ARHGAP23: variants seen among roughly 807,000 people sequenced by gnomAD.
ARHGAP23 encodes the protein Rho GTPase activating protein 23, also known as rho GTPase-activating protein 23.
In ARHGAP23, 34 loss-of-function variants were observed where a neutral mutation model predicts 136.3. The observed-to-expected ratio is 0.25, with a 90% CI of 0.19 to 0.33. ARHGAP23 has a LOEUF of 0.33. Among genes scored for constraint, ARHGAP23 ranks in the 10% least tolerant of loss-of-function variants. The pLI is 1.00. For synonymous variants in ARHGAP23, 832 were observed against 920.5 expected (o/e 0.90, Z 1.74); for missense variants, 1,808 against 2,139.0 (o/e 0.85, Z 3.05).
chr17:38,470,857 G>A (rs1218644403), intron 10 of ARHGAP23, among the ~76,000 whole-genome samples: 6 of 151,628 alleles, frequency 4.0e-5, no homozygotes, highest in African/African-American at 1.5e-4. Context: ...TTCTTGCTTC[G>A]GTCTCCCAAA....
chr17:38,460,860 T>C, intron 2 of ARHGAP23, 45 bp from the exon 3 acceptor site: 1 of 1,536,034 alleles, frequency 6.5e-7, no homozygotes, highest in Non-Finnish European at 8.7e-7. Context: ...CCCTGGCTGC[T>C]GAGGGCTGGA....
At chr17:38,437,086 G>C (rs1038893644) in intron 1 of ARHGAP23, among the ~76,000 whole-genome samples, 1 of 152,236 alleles carries the variant, frequency 6.6e-6, no homozygotes, top group South Asian at 2.1e-4. Flanking sequence ...GACCTGGAGT[G>C]GGCAAATAAC....
chr17:38,478,562 A>C (rs1421358807), intron 12 of ARHGAP23, among the ~76,000 whole-genome samples: 1 of 151,984 alleles, frequency 6.6e-6, no homozygotes, highest in Non-Finnish European at 1.5e-5. Flanking sequence ...CTATAGGCGC[A>C]TGCCACCATG....
chr17:38,499,092 C>T lies in ARHGAP23; in HGVS notation c.3415+582C>T, dbSNP rs879650980. 50 of 648,898 alleles carry T rather than the reference C, an allele frequency of 7.7e-5. No homozygotes were observed. In the African/African-American group the frequency reaches 8.4e-4, roughly 11 times the overall value. The allele number at this position is 648,898 out of a possible 1,614,324, so 40.2% of individuals were successfully genotyped here. Reference sequence around the variant, plus strand: ...ATGCCAGTTACCCCTGCCTGTTATCCACTTACCCCAGCAGTCCATGCCCCT... The same window carrying T: ...ATGCCAGTTACCCCTGCCTGTTATCTACTTACCCCAGCAGTCCATGCCCCT... On this transcript the variant is annotated intron_variant, in intron 22 of 23. Coordinates refer to ENST00000622683, the MANE Select transcript of ARHGAP23 (RefSeq NM_001199417.2).
intron 14 of ARHGAP23, among the ~76,000 whole-genome samples, chr17:38,481,673 T>G (rs1319823094): frequency 6.6e-6 from 1 of 152,100 alleles, no homozygotes; most frequent in Non-Finnish European, 1.5e-5. Flanking sequence ...GAGGGAAGAT[T>G]GCTTGAGCCC....
intron 1 of ARHGAP23, among the ~76,000 whole-genome samples, chr17:38,436,789 G>A (rs2144509324): frequency 6.6e-6 from 1 of 152,306 alleles, no homozygotes; most frequent in African/African-American, 2.4e-5. Flanking sequence ...CAGTCTGACT[G>A]GGGTGATGGA....
At chr17:38,490,044 G>C (rs184255397) in intron 17 of ARHGAP23, 58 bp from the exon 18 acceptor site, 2 of 1,508,074 alleles carry the variant, frequency 1.3e-6, no homozygotes, top group Non-Finnish European at 9.0e-7. Context: ...GCCCTTGGCC[G>C]GGAGAACAGG....
chr17:38,443,360 G>C (rs544611334), intron 1 of ARHGAP23, among the ~76,000 whole-genome samples: 2 of 152,342 alleles, frequency 1.3e-5, no homozygotes, highest in South Asian at 4.1e-4. Context: ...CTGGGGCATA[G>C]TAAGCACTCA....
intron 1 of ARHGAP23, among the ~76,000 whole-genome samples, chr17:38,439,729 G>A (rs2038879625): frequency 1.3e-5 from 2 of 152,002 alleles, no homozygotes; most frequent in African/African-American, 2.4e-5. Context: ...CTAGGAAGTG[G>A]GCCTGAGTCA....
rs949912037 is a variant in ARHGAP23, at chr17:38,498,389, A to G, written c.3319-25A>G. 7.8e-6 allele frequency: 12 copies of G among 1,531,716 alleles called. No homozygotes were observed. The African/African-American group carries it at 1.7e-4, about 21-fold the overall frequency. The allele number at this position is 1,531,716 out of a possible 1,614,324, so 94.9% of individuals were successfully genotyped here. A position where few individuals can be genotyped will look rare whatever the true frequency, so the allele number is the denominator to read the frequency against. On this transcript the variant is annotated intron_variant, in intron 21 of 23. Transcript: ENST00000622683. ...GCAGCCCAGCATCTGAGGGCATGCC[A>G]GCTGACCCCTCCTCCTGTTCGCAGA...
chr17:38,467,493 A>G (rs945174130), intron 7 of ARHGAP23, among the ~76,000 whole-genome samples, 162 bp downstream of exon 7: 3 of 151,958 alleles, frequency 2.0e-5, no homozygotes, highest in Non-Finnish European at 4.4e-5. Flanking sequence ...CCATCCATCC[A>G]TCTGTTCTTC....
At chr17:38,428,455 GC>G, upstream of ARHGAP23, 1 of 1,413,300 alleles carries the variant, frequency 7.1e-7, no homozygotes, top group South Asian at 1.4e-5. Flanking sequence ...CCCCAGCCGT[GC>G]CCCGGCCGCA....
At chr17:38,433,161 T>C (rs1472894925) in intron 1 of ARHGAP23, among the ~76,000 whole-genome samples, 5 of 152,132 alleles carry the variant, frequency 3.3e-5, no homozygotes, top group African/African-American at 1.2e-4. Flanking sequence ...GGTTTTGCCA[T>C]GTTGCCCAGG....
intron 10 of ARHGAP23, among the ~76,000 whole-genome samples, chr17:38,470,211 GA>G (rs2039717198): frequency 6.6e-6 from 1 of 152,192 alleles, no homozygotes; most frequent in South Asian, 2.1e-4. Context: ...GGTCTTCCCT[GA>G]AATTCCAGCC....
Position 38,466,941 on chromosome 17 carries a change from C to A in ARHGAP23, c.1258C>A (p.Arg420=), listed in dbSNP as rs758382395. ...GGATGACCTCGGGTACATCGGCTAC[C>A]GGAGCTACAGCCCATCATTCCAGCG... ...GLDDLGYIGY[R]SYSPSFQRRT... is the part of the protein sequence containing the mutation. The change falls in exon 7 of 24, where the codon CGG becomes AGG. Residue 420 remains arginine, a synonymous_variant. Transcript: ENST00000622683. The A allele has an allele frequency of 5.8e-6, 9 of 1,550,404 alleles. No homozygotes were observed. Among genetic ancestry groups the A allele is most frequent in the Non-Finnish European group, 7.8e-6 (9 of 1,146,952 alleles).
chr17:38,464,145 G>C (rs753133962), intron 6 of ARHGAP23, among the ~76,000 whole-genome samples: 6 of 152,124 alleles, frequency 3.9e-5, no homozygotes, highest in Non-Finnish European at 7.3e-5. Context: ...GCCCATCTCA[G>C]CACGTGCGCC....
At chr17:38,463,283 G>A in intron 5 of ARHGAP23, 45 bp from the exon 6 acceptor site, 1 of 1,551,488 alleles carries the variant, frequency 6.4e-7, no homozygotes, top group Non-Finnish European at 8.7e-7. Flanking sequence ...CTTCCTCCTG[G>A]ACCCTGTTCC....
rs1319344568 is a variant in ARHGAP23, at chr17:38,479,488, G to T, written c.2489G>T (p.Arg830Leu). 6.5e-7 allele frequency: 1 copy of T among 1,547,926 alleles called. No individual in the cohort carries two copies. Among genetic ancestry groups the T allele is most frequent in the Non-Finnish European group, 8.7e-7 (1 of 1,145,332 alleles). Residue 830 changes from arginine (R) to leucine (L), a missense_variant, in exon 13 of 24, where the codon CGC becomes CTC. Around this residue, in one of 7 missense-constraint regions of ARHGAP23, gnomAD observed 139 missense variants for 264.3 expected, o/e 0.53. Coordinates refer to ENST00000622683, the MANE Select transcript of ARHGAP23 (RefSeq NM_001199417.2). ...ALISKKLNDY[R>L]KVSHSSGPKA... is the part of the protein sequence containing the mutation. ...ATCAGCAAGAAGCTTAACGATTATC[G>T]CAAAGTGAGGTGAGGCCCAGCCCTC...
upstream of ARHGAP23, among the ~76,000 whole-genome samples, chr17:38,425,185 T>G (rs919074991): frequency 1.3e-5 from 2 of 152,188 alleles, no homozygotes; most frequent in Admixed American, 6.5e-5. Flanking sequence ...CCCCCGCCTG[T>G]GTTTCCTTCC....
Sources: allele counts gnomAD v4.1 joint callset (sites outside exome capture counted in the v4.1 genomes callset), GRCh38; gene constraint gnomAD v4.1.1; regional missense constraint gnomAD v4.1.1; transcripts MANE v1.5; gene names NCBI Gene and HGNC (gene_info 2026-07-23, HGNC 2026-07-21).